Variants in DEPTOR observed in about 807,000 individuals in gnomAD.
The protein encoded by DEPTOR is DEP domain containing MTOR interacting protein.
Under a neutral mutation model 41.6 loss-of-function variants are expected in DEPTOR, and 41 were observed. The ratio of observed to expected loss-of-function variants is 0.98; its 90% CI spans 0.77 to 1.28. The LOEUF (loss-of-function observed/expected upper bound fraction) is 1.28. DEPTOR is among the 50% of genes most tolerant of loss of function. The pLI is 0.00. For synonymous variants in DEPTOR, 195 were observed against 192.3 expected (o/e 1.01, Z -0.12); for missense variants, 514 against 527.9 (o/e 0.97, Z 0.26).
intron 8 of DEPTOR, among the ~76,000 whole-genome samples, chr8:120,017,726 T>A (rs957260968): frequency 2.0e-5 from 3 of 152,200 alleles, no homozygotes; most frequent in Admixed American, 2.0e-4. Flanking sequence ...ATTTGAGCCC[T>A]ACTTACAAAT....
At chr8:119,981,434 T>G (rs1828765774) in intron 4 of DEPTOR, among the ~76,000 whole-genome samples, 1 of 148,344 alleles carries the variant, frequency 6.7e-6, no homozygotes, top group South Asian at 2.1e-4. Flanking sequence ...AGGCAGGCAA[T>G]CGTTTGAGGC....
chr8:119,897,263 G>A (rs7814482), intron 1 of DEPTOR, among the ~76,000 whole-genome samples: 32,846 of 152,124 alleles, frequency 0.22, 4,072 homozygotes, highest in African/African-American at 0.32. Context: ...GGTCGGGAGC[G>A]GTGGCCCACA....
intron 3 of DEPTOR, among the ~76,000 whole-genome samples, chr8:119,964,574 G>A (rs1051454524): frequency 2.7e-5 from 4 of 148,492 alleles, no homozygotes; most frequent in Non-Finnish European, 5.9e-5. Flanking sequence ...TCAGTTCACA[G>A]CACTTGTCTT....
At position 119,883,034 on chromosome 8, in the gene DEPTOR, A is replaced by T. The variant is rs557775666; in HGVS notation, c.122+9066A>T. Among the ~76,000 whole-genome samples the T allele has an allele frequency of 1.3e-3, 199 of 152,278 alleles. 1 individual carries two copies. Among genetic ancestry groups the T allele is most frequent in the South Asian group, 5.6e-3 (27 of 4,822 alleles). ...GAGAGGATTTAGTGGGACAGATAGG[A>T]TGCTTGCAAGGTGGTACCTTCAGGA... On this transcript the variant is annotated intron_variant, in intron 1 of 8. Transcript: ENST00000286234.
chr8:119,992,321 C>T (rs1366551689), intron 4 of DEPTOR, among the ~76,000 whole-genome samples: 4 of 152,178 alleles, frequency 2.6e-5, no homozygotes, highest in Non-Finnish European at 5.9e-5. Flanking sequence ...ACCTCTGTAA[C>T]TTTGACACTG....
chr8:120,032,586 T>G (rs1812909498), intron 8 of DEPTOR, among the ~76,000 whole-genome samples: 1 of 152,170 alleles, frequency 6.6e-6, no homozygotes, highest in Non-Finnish European at 1.5e-5. Context: ...ATGAAGGCTG[T>G]GACCTTGTTG....
chr8:119,998,134 G>C (rs1280996823), intron 4 of DEPTOR, among the ~76,000 whole-genome samples: 1 of 152,182 alleles, frequency 6.6e-6, no homozygotes, highest in Non-Finnish European at 1.5e-5. Flanking sequence ...TGTCACCCAG[G>C]CTGGAGTGCA....
intron 3 of DEPTOR, among the ~76,000 whole-genome samples, chr8:119,961,075 G>A (rs573751647): frequency 6.6e-6 from 1 of 151,884 alleles, no homozygotes; most frequent in South Asian, 2.1e-4. Context: ...TGAATGCATA[G>A]TCAAATGTTC....
chr8:119,970,483 C>T (rs1314144135), intron 4 of DEPTOR, among the ~76,000 whole-genome samples: 3 of 152,158 alleles, frequency 2.0e-5, no homozygotes, highest in Non-Finnish European at 4.4e-5. Flanking sequence ...GTATGGCTGC[C>T]TGGCATGATG....
intron 4 of DEPTOR, among the ~76,000 whole-genome samples, chr8:119,968,358 C>T (rs774936361): frequency 1.3e-5 from 2 of 151,730 alleles, no homozygotes; most frequent in Non-Finnish European, 2.9e-5. Context: ...ACAGTTACTG[C>T]TCTGATCATG....
chr8:119,975,140 A>C (rs1304657075), intron 4 of DEPTOR, among the ~76,000 whole-genome samples: 1 of 152,084 alleles, frequency 6.6e-6, no homozygotes, highest in Non-Finnish European at 1.5e-5. Flanking sequence ...ATCTCTAAAA[A>C]AAAAAAAAAA....
intron 8 of DEPTOR, among the ~76,000 whole-genome samples, chr8:120,026,787 C>T (rs1307748118): frequency 1.3e-5 from 2 of 152,208 alleles, no homozygotes; most frequent in Non-Finnish European, 2.9e-5. Flanking sequence ...CACTTCAGGG[C>T]TTGGCCCATC....
chr8:119,993,857 A>C lies in DEPTOR; in HGVS notation c.605-7668A>C, dbSNP rs532794623. Among the ~76,000 whole-genome samples the C allele has an allele frequency of 2.0e-5, 3 of 151,924 alleles. No individual in the cohort carries two copies. In the South Asian group the frequency reaches 6.2e-4, roughly 32 times the overall value. On this transcript the variant is annotated intron_variant, in intron 4 of 8. Coordinates refer to ENST00000286234, the MANE Select transcript of DEPTOR (RefSeq NM_022783.4). ...TATGGAGTATTGCATGTTAATGTGT[A>C]GGAAAAAATCAGGCTGAGGCCGGGT...
Position 120,018,070 on chromosome 8 carries a change from C to T in DEPTOR, c.1101+8937C>T, listed in dbSNP as rs192478164. Among the ~76,000 whole-genome samples the T allele has an allele frequency of 1.3e-3, 195 of 152,178 alleles. 2 individuals are homozygous for T. The highest frequency in any genetic ancestry group is 4.3e-3 in the African/African-American group (178 of 41,522). Reference sequence around the variant, plus strand: ...TAGCAAGGAAAAAAATGTCAAAATCCTGCTTTTTGGTCTTTCCCTCTGATG... The same window carrying T: ...TAGCAAGGAAAAAAATGTCAAAATCTTGCTTTTTGGTCTTTCCCTCTGATG... On this transcript the variant is annotated intron_variant, in intron 8 of 8. Coordinates refer to ENST00000286234, the MANE Select transcript of DEPTOR (RefSeq NM_022783.4).
chr8:120,006,009 C>T (rs148530911), intron 6 of DEPTOR, among the ~76,000 whole-genome samples: 8 of 152,222 alleles, frequency 5.3e-5, no homozygotes, highest in South Asian at 4.2e-4. Context: ...GCCACCCATT[C>T]GCTCTGGGAC....
chr8:120,002,843 A>G (rs1812374954), intron 5 of DEPTOR, 134 bp from the exon 6 acceptor site: 3 of 715,882 alleles, frequency 4.2e-6, no homozygotes, highest in South Asian at 8.8e-5. Context: ...CTGCAACTCA[A>G]GTTCTTGTTT....
At chr8:119,905,726 C>T (rs915802274) in intron 1 of DEPTOR, among the ~76,000 whole-genome samples, 8 of 150,978 alleles carry the variant, frequency 5.3e-5, no homozygotes, top group Admixed American at 1.3e-4. Flanking sequence ...CTACAGCCTC[C>T]GCCTCTCAGG....
intron 3 of DEPTOR, among the ~76,000 whole-genome samples, chr8:119,940,914 G>A (rs528452859): frequency 4.6e-5 from 7 of 152,188 alleles, no homozygotes; most frequent in African/African-American, 1.7e-4. Context: ...TCATAGAGAT[G>A]GAAAGTAGAA....
At chr8:119,888,630 C>G (rs988478286) in intron 1 of DEPTOR, among the ~76,000 whole-genome samples, 3 of 151,964 alleles carry the variant, frequency 2.0e-5, no homozygotes, top group African/African-American at 7.2e-5. Flanking sequence ...CCGAGGCAGG[C>G]AGATGGCTTG....
Sources: gnomAD v4.1 joint callset for allele counts (sites outside exome capture counted in the v4.1 genomes callset) on GRCh38, gnomAD v4.1.1 for gene constraint, MANE v1.5 for transcripts, NCBI Gene and HGNC (gene_info 2026-07-23, HGNC 2026-07-21) for gene names.